The following NCKAP5 variants were observed in gnomAD, a reference collection of about 807,000 sequenced individuals.
NCKAP5 encodes nck-associated protein 5.
NCKAP5 carries 92 observed loss-of-function variants against 167.0 expected under a neutral mutation model. The observed-to-expected ratio is 0.55, with a 90% CI of 0.47 to 0.66. The LOEUF (loss-of-function observed/expected upper bound fraction) is 0.66. Among genes scored for constraint, NCKAP5 ranks in the 30% least tolerant of loss-of-function variants. The pLI, the probability that NCKAP5 is intolerant of heterozygous loss-of-function variation, is 0.00. For synonymous variants in NCKAP5, 891 were observed against 877.4 expected (o/e 1.02, Z -0.27); for missense variants, 2,378 against 2,315.0 (o/e 1.03, Z -0.56).
intron 2 of NCKAP5, among the ~76,000 whole-genome samples, chr2:133,540,072 T>C (rs1257597849): frequency 1.3e-5 from 2 of 151,996 alleles, no homozygotes; most frequent in African/African-American, 2.4e-5. Flanking sequence ...TCCCAGCTAC[T>C]CAGGAGGCTG....
chr2:133,351,503 G>A (rs193235550), intron 3 of NCKAP5, among the ~76,000 whole-genome samples: 190 of 152,088 alleles, frequency 1.2e-3, no homozygotes, highest in Non-Finnish European at 2.0e-3. Flanking sequence ...AAAATGTACC[G>A]TGCTTAACAC....
Position 133,280,394 on chromosome 2 carries a change from G to A in NCKAP5, c.143+22643C>T, listed in dbSNP as rs190118966. On this transcript the variant is annotated intron_variant, in intron 4 of 19. Coordinates refer to ENST00000409261, the MANE Select transcript of NCKAP5 (RefSeq NM_207363.3). ...GGATAGTTTCTTTTGTTTTCTGTTC[G>A]TTTGTTTATTTATTTATTTATTTAT... Among the ~76,000 whole-genome samples, 146 of 151,718 alleles carry A rather than the reference G, an allele frequency of 9.6e-4. 1 individual carries two copies. The highest frequency in any genetic ancestry group is 3.1e-3 in the African/African-American group (129 of 41,074).
intron 3 of NCKAP5, among the ~76,000 whole-genome samples, chr2:133,447,463 T>C (rs1270309483): frequency 6.6e-6 from 1 of 150,756 alleles, no homozygotes; most frequent in African/African-American, 2.4e-5. Flanking sequence ...CTCTCCTTCC[T>C]TTCCCCTTCC....
intron 3 of NCKAP5, among the ~76,000 whole-genome samples, chr2:133,369,723 A>T (rs553177304): frequency 5.9e-5 from 9 of 152,386 alleles, no homozygotes; most frequent in Admixed American, 2.0e-4. Context: ...TGATCAAGTA[A>T]GAACATGATT....
chr2:133,190,133 GACAA>G (rs1397359652), intron 5 of NCKAP5, among the ~76,000 whole-genome samples: 7 of 152,064 alleles, frequency 4.6e-5, no homozygotes, highest in Non-Finnish European at 1.0e-4. Context: ...ACCAACAACA[GACAA>G]ACAGAGAGCC....
chr2:133,671,640 C>A, the NCKAP5 span, among the ~76,000 whole-genome samples: 1 of 151,978 alleles, frequency 6.6e-6, no homozygotes, highest in African/African-American at 2.4e-5. Context: ...TCAGAGGCAG[C>A]CCCTCAACCT....
chr2:133,025,293 C>A lies in NCKAP5; in HGVS notation c.342-31054G>T, dbSNP rs569946541. On this transcript the variant is annotated intron_variant, in intron 6 of 19. Coordinates refer to ENST00000409261, the MANE Select transcript of NCKAP5 (RefSeq NM_207363.3). ...AAACATGACTAAATGCTAGTTGATA[C>A]ATACAATGTAAAGCTACTAATCAGT... Among the ~76,000 whole-genome samples, 42 of 152,318 alleles carry A rather than the reference C, an allele frequency of 2.8e-4. No homozygotes were observed. The Middle Eastern group carries it at 0.014, about 49-fold the overall frequency.
At chr2:133,015,361 T>C (rs927923086) in intron 6 of NCKAP5, among the ~76,000 whole-genome samples, 49 of 10,296 alleles carry the variant, frequency 4.8e-3, no homozygotes, top group African/African-American at 0.014. Flanking sequence ...ACCGAACTCT[T>C]TTTTTTTTCT....
chr2:132,787,145 C>T (rs145364223), intron 13 of NCKAP5, among the ~76,000 whole-genome samples: 24 of 152,120 alleles, frequency 1.6e-4, no homozygotes, highest in Admixed American at 6.5e-4. Context: ...GTCAGGAGTT[C>T]GAGACTAGTC....
intron 8 of NCKAP5, among the ~76,000 whole-genome samples, chr2:132,937,231 C>T: frequency 6.6e-6 from 1 of 152,170 alleles, no homozygotes; most frequent in Admixed American, 6.5e-5. Context: ...GTGCTGGCTG[C>T]TAGGAGTAGG....
intron 12 of NCKAP5, among the ~76,000 whole-genome samples, chr2:132,795,825 A>C (rs1351683714): frequency 2.0e-5 from 2 of 99,380 alleles, no homozygotes; most frequent in Non-Finnish European, 3.7e-5. Context: ...TATCAGAAAA[A>C]AAAAAAAAAA....
chr2:132,878,656 GCA>G (rs1691504979), intron 9 of NCKAP5, among the ~76,000 whole-genome samples, 190 bp downstream of exon 9: 1 of 44,886 alleles, frequency 2.2e-5, no homozygotes, highest in Non-Finnish European at 5.0e-5. Flanking sequence ...ACACACACAC[GCA>G]CGCATACACA....
intron 3 of NCKAP5, among the ~76,000 whole-genome samples, chr2:133,464,448 T>TGGTTG (rs1692408043): frequency 6.6e-6 from 1 of 152,100 alleles, no homozygotes. Context: ...CCCAGCCCTT[T>TGGTTG]GGGGGCCAAG....
chr2:133,459,499 A>G (rs968631350), intron 3 of NCKAP5, among the ~76,000 whole-genome samples: 2 of 152,158 alleles, frequency 1.3e-5, no homozygotes, highest in African/African-American at 4.8e-5. Context: ...CCAAAGGTAG[A>G]CGTTCGGTGT....
At chr2:133,213,368 G>GTT (rs940003340) in intron 5 of NCKAP5, among the ~76,000 whole-genome samples, 5 of 152,132 alleles carry the variant, frequency 3.3e-5, no homozygotes, top group African/African-American at 1.2e-4. Flanking sequence ...GCTGTTGTTT[G>GTT]TTTTTTAAGT....
intron 5 of NCKAP5, among the ~76,000 whole-genome samples, chr2:133,157,694 G>A (rs2083624366): frequency 6.6e-6 from 1 of 151,598 alleles, no homozygotes; most frequent in Non-Finnish European, 1.5e-5. Flanking sequence ...TTTGCATTTG[G>A]CACTCACTTT....
chr2:133,116,278 G>A (rs2082079446), intron 6 of NCKAP5, among the ~76,000 whole-genome samples: 1 of 86,696 alleles, frequency 1.2e-5, no homozygotes. Context: ...ACGAGGTCAG[G>A]AGATCGAGAC....
At chr2:133,537,575 T>C (rs148227428) in intron 2 of NCKAP5, among the ~76,000 whole-genome samples, 113 of 152,290 alleles carry the variant, frequency 7.4e-4, no homozygotes, top group African/African-American at 2.4e-3. Context: ...GGGAGTACTT[T>C]CTTAATTACA....
intron 4 of NCKAP5, among the ~76,000 whole-genome samples, chr2:133,222,374 GTCTTTAATATCTAGGTAACAAAAATGACA>G (rs2150209615): frequency 7.5e-6 from 1 of 133,338 alleles, no homozygotes; most frequent in Non-Finnish European, 1.7e-5. Flanking sequence ...TTCTGCAAAA[GTCTTTAATATCTAGGTAACAAAAATGACA>G]TCTGGATTAT....
Sources: allele counts gnomAD v4.1 joint callset (sites outside exome capture counted in the v4.1 genomes callset), GRCh38; gene constraint gnomAD v4.1.1; transcripts MANE v1.5; gene names NCBI Gene and HGNC (gene_info 2026-07-23, HGNC 2026-07-21).